GTPBP8: variants seen among roughly 807,000 people sequenced by gnomAD.
GTPBP8 encodes the protein GTP-binding protein 8.
GTPBP8 carries 21 observed loss-of-function variants against 27.3 expected under a neutral mutation model. The observed-to-expected ratio is 0.77, with a 90% CI of 0.55 to 1.11. The LOEUF (loss-of-function observed/expected upper bound fraction) is 1.11. Among genes scored for constraint, GTPBP8 ranks in the 50% least tolerant of loss-of-function variants. The probability of loss-of-function intolerance (pLI) is 0.00; values close to 1 mark genes in which losing one functional copy is unlikely to be tolerated. For synonymous variants in GTPBP8, 147 were observed against 135.3 expected, an observed-to-expected ratio of 1.09 and a Z score of -0.60; for missense variants, 380 against 350.8, an observed-to-expected ratio of 1.08 and a Z score of -0.67.
At chr3:112,991,395 T>A (rs2248029) in intron 1 of GTPBP8, 60 bp downstream of exon 1, 5 of 1,481,720 alleles carry the variant, frequency 3.4e-6, no homozygotes, top group Non-Finnish European at 4.7e-6. Flanking sequence ...ACCGCTTCCC[T>A]GGCCGTCCGG....
Position 112,991,304 on chromosome 3 carries a change from T to A in GTPBP8, c.305T>A (p.Ile102Asn). 6.2e-7 allele frequency: 1 copy of A among 1,613,696 alleles called. No homozygotes were observed. The highest frequency in any genetic ancestry group is 8.5e-7 in the Non-Finnish European group (1 of 1,180,044). The change falls in exon 1 of 6, where the codon ATC becomes AAC. Residue 102 changes from isoleucine (I) to asparagine (N), a missense_variant. By Grantham distance (149) the Ile-to-Asn change is moderately radical. Coordinates refer to ENST00000383678, the MANE Select transcript of GTPBP8 (RefSeq NM_014170.4). The part of the protein sequence containing the change: ...RIDYVSSAVR[I>N]DHAPDLPRPE... ...GACTACGTCAGCTCCGCCGTCCGTA[T>A]CGACCACGCCCCGGACCTTCCGCGG... is the stretch of plus-strand genomic sequence containing the variant.
rs1405908577 is a variant in GTPBP8, at chr3:112,999,442, A to G, written c.667-4A>G. On this transcript the variant is annotated splice_polypyrimidine_tract_variant and splice_region_variant and intron_variant, in intron 4 of 5. Transcript: ENST00000383678. ...CTAATGCATAAAAATTTGTTTTCTT[A>G]TAGATTGTATTAACAAAAATTGACA... 3 of 1,150,818 alleles carry G rather than the reference A, an allele frequency of 2.6e-6. No individual in the cohort carries two copies. The highest frequency in any genetic ancestry group is 2.5e-6 in the Non-Finnish European group (2 of 791,850). The allele number at this position is 1,150,818 out of a possible 1,614,324, so 71.3% of individuals were successfully genotyped here. A position where few individuals can be genotyped will look rare whatever the true frequency, so the allele number is the denominator to read the frequency against.
chr3:112,991,394 CT>C, intron 1 of GTPBP8, 59 bp downstream of exon 1: 1 of 1,492,896 alleles, frequency 6.7e-7, no homozygotes, highest in South Asian at 1.1e-5. Context: ...AACCGCTTCC[CT>C]GGCCGTCCGG....
Position 112,996,084 on chromosome 3 carries a change from G to A in GTPBP8, c.567-808G>A, listed in dbSNP as rs572802337. ...TGTTTGTTGTAGCTTTACATAAGGG[G>A]TAAAATCAAATATTTACATAAAATG... On this transcript the variant is annotated intron_variant, in intron 3 of 5. Transcript: ENST00000383678. Among the ~76,000 whole-genome samples the A allele has an allele frequency of 7.0e-4, 106 of 152,222 alleles. 1 individual carries two copies. Among genetic ancestry groups the A allele is most frequent in the Non-Finnish European group, 1.2e-3 (83 of 68,016 alleles).
At chr3:112,992,150 C>T (rs1280863703) in intron 1 of GTPBP8, 1 of 152,200 alleles carries the variant, frequency 6.6e-6, no homozygotes, top group Non-Finnish European at 1.5e-5. Flanking sequence ...AATTACTGGA[C>T]TTTTTTGTAA....
At chr3:112,995,545 AT>A (rs559163992) in intron 3 of GTPBP8, among the ~76,000 whole-genome samples, 2,118 of 141,090 alleles carry the variant, frequency 0.015, 42 homozygotes, top group African/African-American at 0.052. Flanking sequence ...TTTTTTTTTC[AT>A]TTTTTTTTTT....
intron 1 of GTPBP8, chr3:112,991,643 G>T: frequency 1.8e-6 from 1 of 561,848 alleles, no homozygotes; most frequent in Non-Finnish European, 3.3e-6. Context: ...GAATATAGAA[G>T]ACTTCAAAAT....
At chr3:112,991,826 A>C in intron 1 of GTPBP8, 1 of 226,090 alleles carries the variant, frequency 4.4e-6, no homozygotes, top group Non-Finnish European at 9.0e-6. Context: ...TCAATAAGTA[A>C]CTTTCGCCTA....
chr3:113,000,831 T>C lies in GTPBP8; in HGVS notation c.786-19T>C. ...TATCTGAGGAAAGGAAGAAAATTAT[T>C]TCTCTTTTCTTTTCACAGTGCTGTG... On this transcript the variant is annotated intron_variant, in intron 5 of 5. Transcript: ENST00000383678. 2.0e-6 allele frequency: 3 copies of C among 1,491,470 alleles called. No individual in the cohort carries two copies. The highest frequency in any genetic ancestry group is 2.8e-6 in the Non-Finnish European group (3 of 1,079,278). The allele number at this position is 1,491,470 out of a possible 1,614,324, so 92.4% of individuals were successfully genotyped here. A position where few individuals can be genotyped will look rare whatever the true frequency, so the allele number is the denominator to read the frequency against.
At position 112,991,238 on chromosome 3, in the gene GTPBP8, G is replaced by A. The variant is rs753076298; in HGVS notation, c.239G>A (p.Arg80Lys). The change falls in exon 1 of 6, where the codon AGG becomes AAG. Residue 80 changes from arginine to lysine, a missense_variant. By Grantham distance (26) the Arg-to-Lys change is conservative. Transcript: ENST00000383678. Reference protein sequence around the residue: ...IFDPSPEDIARADNIFTATER... With the variant: ...IFDPSPEDIAKADNIFTATER... ...GACCCAAGCCCGGAGGACATAGCCA[G>A]GGCGGACAACATCTTCACGGCCACT... is the stretch of plus-strand genomic sequence containing the variant. The A allele has an allele frequency of 1.9e-6, 3 of 1,614,126 alleles. No individual in the cohort carries two copies. In the Admixed American group the frequency reaches 5.0e-5, roughly 27 times the overall value.
At chr3:113,000,249 T>A (rs1191432292) in intron 5 of GTPBP8, among the ~76,000 whole-genome samples, 1 of 151,086 alleles carries the variant, frequency 6.6e-6, no homozygotes, top group Non-Finnish European at 1.5e-5. Context: ...AAAAAAAAAA[T>A]TAGCCAGATG....
rs963624443 is a variant in GTPBP8 at position 112,995,019 on chromosome 3, G to A, written c.436-116G>A. 2.0e-5 allele frequency: 15 copies of A among 733,626 alleles called. No homozygotes were observed. The Admixed American group carries it at 3.8e-4, about 19-fold the overall frequency. The allele number at this position is 733,626 out of a possible 1,614,324, so 45.4% of individuals were successfully genotyped here. A position where few individuals can be genotyped will look rare whatever the true frequency, so the allele number is the denominator to read the frequency against. On this transcript the variant is annotated intron_variant, in intron 2 of 5. Coordinates refer to ENST00000383678, the MANE Select transcript of GTPBP8 (RefSeq NM_014170.4). ...CTGTGTCATCATCAGCATAGTTAAG[G>A]TTATATACTTGGCTTTTAATAAATA...
intron 4 of GTPBP8, among the ~76,000 whole-genome samples, chr3:112,998,169 G>C (rs372670031): frequency 1.3e-5 from 2 of 152,096 alleles, no homozygotes; most frequent in East Asian, 3.9e-4. Flanking sequence ...GGCTAAATGT[G>C]TAGGGGTTTT....
rs764611197 is a variant in GTPBP8, at chr3:112,991,351, C to CA, written c.336+17dup. On this transcript the variant is annotated intron_variant, in intron 1 of 5. Coordinates refer to ENST00000383678, the MANE Select transcript of GTPBP8 (RefSeq NM_014170.4). ...GCGGCCAGAGGTGAGAGGCGATTCT[C>CA]ACGGTTCACCTGCGCGCCGGCGTCA... 6.2e-7 allele frequency: 1 copy of CA among 1,608,226 alleles called. No individual in the cohort carries two copies. The highest frequency in any genetic ancestry group is 1.1e-5 in the South Asian group (1 of 90,984).
At position 112,993,053 on chromosome 3, in the gene GTPBP8, G is replaced by A. The variant is rs776244739; in HGVS notation, c.364G>A (p.Gly122Arg). 1.1e-5 allele frequency: 18 copies of A among 1,609,554 alleles called. No homozygotes were observed. The highest frequency in any genetic ancestry group is 1.4e-5 in the Non-Finnish European group (17 of 1,176,326). The change falls in exon 2 of 6, where the codon GGA becomes AGA. Residue 122 changes from glycine (G) to arginine (R), a missense_variant. Physicochemically the swap from Gly to Arg is moderately radical, Grantham distance 125. Transcript: ENST00000383678. Reference sequence around the variant, plus strand: ...GTGTTTTATAGGCAGAAGCAATGTTGGAAAATCATCTCTAATCAAGGCTTT... The same window carrying A: ...GTGTTTTATAGGCAGAAGCAATGTTAGAAAATCATCTCTAATCAAGGCTTT... ...EVCFIGRSNV[G>R]KSSLIKALFS... is the part of the protein sequence containing the mutation.
intron 3 of GTPBP8, 71 bp downstream of exon 3, chr3:112,995,336 T>A: frequency 1.1e-6 from 1 of 941,936 alleles, no homozygotes; most frequent in Non-Finnish European, 1.6e-6. Context: ...TAGAGTATTA[T>A]ACACATGATT....
chr3:113,000,886 C>T lies in GTPBP8; in HGVS notation c.822C>T (p.Cys274=). ...VTFSGIHLLR[C]FIASVTGSLD The stretch of plus-strand genomic sequence containing the variant: ...TTTCTGGAATCCACCTGTTGAGATG[C>T]TTTATAGCCAGTGTAACAGGAAGTC... The change falls in exon 6 of 6, where the codon TGC becomes TGT. Residue 274 remains cysteine, a synonymous_variant. Coordinates refer to ENST00000383678, the MANE Select transcript of GTPBP8 (RefSeq NM_014170.4). 1 of 1,595,194 alleles carries T rather than the reference C, an allele frequency of 6.3e-7. No individual in the cohort carries two copies. Among genetic ancestry groups the T allele is most frequent in the Non-Finnish European group, 8.6e-7 (1 of 1,167,428 alleles).
At position 112,991,330 on chromosome 3, in the gene GTPBP8, C is replaced by G. The variant is rs754795203; in HGVS notation, c.331C>G (p.Pro111Ala). ...RIDHAPDLPR[P>A]EVCFIGRSNV... is the part of the protein sequence containing the mutation. ...CGACCACGCCCCGGACCTTCCGCGG[C>G]CAGAGGTGAGAGGCGATTCTCACGG... The change falls in exon 1 of 6, where the codon CCA (proline) becomes GCA (alanine). Residue 111 changes from proline (P) to alanine (A), a missense_variant. Coordinates refer to ENST00000383678, the MANE Select transcript of GTPBP8 (RefSeq NM_014170.4). 2.5e-6 allele frequency: 4 copies of G among 1,613,278 alleles called. No homozygotes were observed. The Admixed American group carries it at 6.7e-5, about 27-fold the overall frequency.
chr3:113,000,908 A>C lies in GTPBP8; in HGVS notation c.844A>C (p.Ser282Arg), dbSNP rs749220458. Reference sequence around the variant, plus strand: ...ATGCTTTATAGCCAGTGTAACAGGAAGTCTTGACTAATGGTTCCCGGTTTA... The same window carrying C: ...ATGCTTTATAGCCAGTGTAACAGGACGTCTTGACTAATGGTTCCCGGTTTA... Reference protein sequence around the residue: ...LRCFIASVTGSLD With the variant: ...LRCFIASVTGRLD Residue 282 changes from serine (S) to arginine (R), a missense_variant, in exon 6 of 6, where the codon AGT (serine) becomes CGT (arginine). Transcript: ENST00000383678. The C allele has an allele frequency of 1.3e-6, 2 of 1,566,576 alleles. No individual in the cohort carries two copies. The highest frequency in any genetic ancestry group is 1.1e-5 in the South Asian group (1 of 88,524).
Sources: allele counts gnomAD v4.1 joint callset (sites outside exome capture counted in the v4.1 genomes callset), GRCh38; gene constraint gnomAD v4.1.1; transcripts MANE v1.5; gene names NCBI Gene and HGNC (gene_info 2026-07-23, HGNC 2026-07-21).